Variants in STXBP6 observed in about 807,000 individuals in gnomAD.
STXBP6 encodes syntaxin-binding protein 6.
A neutral mutation model predicts 26.9 loss-of-function variants in STXBP6; 21 were observed. The ratio of observed to expected loss-of-function variants is 0.78; its 90% confidence interval spans 0.55 to 1.12. The LOEUF (loss-of-function observed/expected upper bound fraction) is 1.12. STXBP6 is among the 50% of genes most tolerant of loss of function. The pLI is 0.00. For synonymous variants in STXBP6, 97 were observed against 92.6 expected (o/e 1.05, Z -0.27); for missense variants, 232 against 257.9 (o/e 0.90, Z 0.69).
chr14:25,049,895 G>A lies in STXBP6; in HGVS notation c.-50C>T. On this transcript the variant is annotated 5_prime_UTR_variant, in exon 1 of 6. Transcript: ENST00000323944. This position sits in a 1 kb window ranked among gnomAD's most constrained non-coding sequence, Gnocchi z 5.6. ...GGTCCTACCGTGCAGCCTGGCTCGCGCCCCTGCCGTGCCAGTGCGCGGCAC... is the reference window on the plus strand; with the variant it reads ...GGTCCTACCGTGCAGCCTGGCTCGCACCCCTGCCGTGCCAGTGCGCGGCAC... 1.0e-6 allele frequency: 1 copy of A among 983,730 alleles called. No homozygotes were observed. Among genetic ancestry groups the A allele is most frequent in the Non-Finnish European group, 1.2e-6 (1 of 828,522 alleles). The allele number at this position is 983,730 out of a possible 1,614,324, so 60.9% of individuals were successfully genotyped here. A position where few individuals can be genotyped will look rare whatever the true frequency, so the allele number is the denominator to read the frequency against.
intron 1 of STXBP6, among the ~76,000 whole-genome samples, chr14:25,009,327 A>G (rs1012492699): frequency 3.9e-5 from 6 of 152,202 alleles, no homozygotes; most frequent in Non-Finnish European, 2.9e-5. Flanking sequence ...TTAATTTCCC[A>G]GGGACTCTTC....
chr14:24,882,638 T>C (rs2070415710), intron 2 of STXBP6, among the ~76,000 whole-genome samples: 1 of 152,126 alleles, frequency 6.6e-6, no homozygotes, highest in Admixed American at 6.5e-5. Flanking sequence ...GCTTTATTTA[T>C]TTGATCATTC....
intron 1 of STXBP6, among the ~76,000 whole-genome samples, chr14:24,985,909 AG>A (rs2140260649): frequency 6.6e-6 from 1 of 152,364 alleles, no homozygotes; most frequent in South Asian, 2.1e-4. Flanking sequence ...TGAAGTCCAG[AG>A]GGTGATTCCA....
intron 2 of STXBP6, among the ~76,000 whole-genome samples, chr14:24,877,076 G>A: frequency 6.6e-6 from 1 of 152,108 alleles, no homozygotes; most frequent in Admixed American, 6.5e-5. Context: ...AAGCTTATAG[G>A]GAATGCTAAG....
At chr14:24,844,794 TG>T (rs2068899689) in intron 4 of STXBP6, among the ~76,000 whole-genome samples, 1 of 152,200 alleles carries the variant, frequency 6.6e-6, no homozygotes, top group African/African-American at 2.4e-5. Context: ...AGCCAGTGAA[TG>T]TGAACTTGTC....
At chr14:25,034,799 G>A (rs2075522089) in intron 1 of STXBP6, among the ~76,000 whole-genome samples, 1 of 152,240 alleles carries the variant, frequency 6.6e-6, no homozygotes, top group African/African-American at 2.4e-5. Context: ...GGAAGCCTCA[G>A]ATATTCACTG....
chr14:24,957,707 G>A (rs1355439322), intron 2 of STXBP6, among the ~76,000 whole-genome samples: 1 of 152,106 alleles, frequency 6.6e-6, no homozygotes, highest in East Asian at 1.9e-4. Context: ...CTCTAAGATA[G>A]GTACTTTTAA....
intron 4 of STXBP6, among the ~76,000 whole-genome samples, chr14:24,848,001 G>T (rs2069022187): frequency 6.6e-6 from 1 of 152,056 alleles, no homozygotes; most frequent in Non-Finnish European, 1.5e-5. Flanking sequence ...TTCTCACTTG[G>T]AACAAAGAAA....
At chr14:25,025,831 T>C (rs753250659) in intron 1 of STXBP6, among the ~76,000 whole-genome samples, 1 of 152,134 alleles carries the variant, frequency 6.6e-6, no homozygotes, top group Non-Finnish European at 1.5e-5. Context: ...AACTCTAAAT[T>C]CAATCATTCC....
intron 2 of STXBP6, among the ~76,000 whole-genome samples, chr14:24,947,021 A>G (rs1465590007): frequency 6.6e-6 from 1 of 152,190 alleles, no homozygotes; most frequent in Non-Finnish European, 1.5e-5. Context: ...ATTGCTCTGA[A>G]GAAACAATCT....
At chr14:24,896,683 T>C (rs1466934159) in intron 2 of STXBP6, among the ~76,000 whole-genome samples, 1 of 152,078 alleles carries the variant, frequency 6.6e-6, no homozygotes, top group Non-Finnish European at 1.5e-5. Context: ...ACAAAGGAGA[T>C]AAAGTCATTC....
At chr14:24,857,511 T>C (rs2069381350) in intron 2 of STXBP6, among the ~76,000 whole-genome samples, 1 of 152,002 alleles carries the variant, frequency 6.6e-6, no homozygotes, top group African/African-American at 2.4e-5. Flanking sequence ...AAGAAGCATA[T>C]AGTACTGACA....
chr14:24,899,780 C>CAAA (rs58367371), intron 2 of STXBP6, among the ~76,000 whole-genome samples: 136 of 45,892 alleles, frequency 3.0e-3, no homozygotes, highest in African/African-American at 6.5e-3. Context: ...GACTACATTT[C>CAAA]AAAAAAAAAA....
chr14:24,829,824 G>A (rs2068403722), intron 4 of STXBP6, among the ~76,000 whole-genome samples: 1 of 152,060 alleles, frequency 6.6e-6, no homozygotes, highest in Admixed American at 6.6e-5. Flanking sequence ...TCTAGAAACA[G>A]GAGGCAGGAT....
intron 1 of STXBP6, among the ~76,000 whole-genome samples, chr14:24,989,687 C>A (rs187440843): frequency 6.6e-6 from 1 of 152,210 alleles, no homozygotes; most frequent in East Asian, 1.9e-4. Context: ...AATTAAGATC[C>A]TCCAATTAAC....
chr14:24,812,161 T>G lies in STXBP6; in HGVS notation c.*548A>C, dbSNP rs982941632. The G allele has an allele frequency of 1.3e-5, 2 of 152,086 alleles. No individual in the cohort carries two copies. The highest frequency in any genetic ancestry group is 2.9e-5 in the Non-Finnish European group (2 of 68,074). 9.4% of individuals were successfully genotyped at this position (152,086 alleles called of 1,614,324 possible). ...TGCAAGGAGCAAAATCTAAGACTGC[T>G]GTTTTTCCCAATAAATTCAATTGTT... On this transcript the variant is annotated 3_prime_UTR_variant, in exon 6 of 6. Coordinates refer to ENST00000323944, the MANE Select transcript of STXBP6 (RefSeq NM_001394410.1).
chr14:24,997,365 C>T (rs2140312529), intron 1 of STXBP6, among the ~76,000 whole-genome samples: 2 of 152,354 alleles, frequency 1.3e-5, no homozygotes, highest in Middle Eastern at 6.8e-3. Context: ...TCAAGCATCA[C>T]ATTTTTCAAG....
intron 1 of STXBP6, among the ~76,000 whole-genome samples, chr14:25,015,753 G>A (rs879594838): frequency 1.3e-5 from 2 of 151,246 alleles, no homozygotes; most frequent in Non-Finnish European, 2.9e-5. Flanking sequence ...AGACTGCATA[G>A]TGCCTTTTTT....
intron 2 of STXBP6, among the ~76,000 whole-genome samples, chr14:24,931,717 C>A (rs948759532): frequency 2.0e-5 from 3 of 152,040 alleles, no homozygotes; most frequent in African/African-American, 7.2e-5. Flanking sequence ...GCAATGAAAT[C>A]CAAGATCCAA....
Sources: gnomAD v4.1 joint callset for allele counts (sites outside exome capture counted in the v4.1 genomes callset) on GRCh38, gnomAD v4.1.1 for gene constraint, Gnocchi (gnomAD v3.1) non-coding constraint, MANE v1.5 for transcripts, NCBI Gene and HGNC (gene_info 2026-07-23, HGNC 2026-07-21) for gene names.